Variants in PDE10A observed in about 807,000 individuals in gnomAD.
The protein encoded by PDE10A is cAMP and cAMP-inhibited cGMP 3',5'-cyclic phosphodiesterase 10A.
In PDE10A, 39 loss-of-function variants were observed where a neutral mutation model predicts 97.7. The observed-to-expected ratio is 0.40, with a 90% confidence interval of 0.31 to 0.52. The LOEUF (loss-of-function observed/expected upper bound fraction) is 0.52, where lower values mean the gene tolerates loss of function less well. PDE10A is among the 20% of genes least tolerant of loss of function. The pLI is 0.56. For missense variants in PDE10A, 731 were observed against 1,047.8 expected, an observed-to-expected ratio of 0.70 and a Z score of 4.17; for synonymous variants, 371 against 376.8, an observed-to-expected ratio of 0.98 and a Z score of 0.18.
At chr6:165,561,477 T>C (rs1453478843) in intron 1 of PDE10A, among the ~76,000 whole-genome samples, 1 of 152,186 alleles carries the variant, frequency 6.6e-6, no homozygotes, top group Non-Finnish European at 1.5e-5. Context: ...AACTGAACTG[T>C]AAAATCATGT....
At chr6:165,384,654 G>A (rs1414945881) in intron 17 of PDE10A, among the ~76,000 whole-genome samples, 2 of 52,178 alleles carry the variant, frequency 3.8e-5, no homozygotes, top group Non-Finnish European at 7.1e-5. Flanking sequence ...GTGTGTGTGT[G>A]TGTGTGTGTG....
At chr6:165,925,216 T>C (rs190336205) in intron 1 of PDE10A, among the ~76,000 whole-genome samples, 140 of 152,156 alleles carry the variant, frequency 9.2e-4, no homozygotes, top group Admixed American at 6.3e-3. Context: ...CCTGTCACAA[T>C]ACAAAAAATA....
At chr6:165,536,950 C>G (rs961293866) in intron 2 of PDE10A, among the ~76,000 whole-genome samples, 1 of 151,940 alleles carries the variant, frequency 6.6e-6, no homozygotes, top group Non-Finnish European at 1.5e-5. Flanking sequence ...AACTATATAT[C>G]TCAAAGAAAG....
chr6:165,412,838 C>T (rs549828443), intron 13 of PDE10A, among the ~76,000 whole-genome samples: 2 of 152,190 alleles, frequency 1.3e-5, no homozygotes, highest in East Asian at 3.9e-4. Flanking sequence ...TTTTCCCTAA[C>T]CTCAGAATTC....
intron 1 of PDE10A, among the ~76,000 whole-genome samples, chr6:165,701,096 A>G (rs1397434251): frequency 6.6e-6 from 1 of 152,260 alleles, no homozygotes; most frequent in Non-Finnish European, 1.5e-5. Flanking sequence ...CCTAGCAAAT[A>G]TAGAACAAGC....
At chr6:165,686,130 GACACACACACACACACACACACACAC>G (rs57547290) in intron 1 of PDE10A, among the ~76,000 whole-genome samples, 1 of 145,316 alleles carries the variant, frequency 6.9e-6, no homozygotes, top group East Asian at 2.1e-4. Flanking sequence ...AATGTGCATG[GACACACACACACACACACACACACAC>G]ACACACACAC....
At chr6:165,585,900 T>C (rs939060647) in intron 1 of PDE10A, among the ~76,000 whole-genome samples, 3 of 152,112 alleles carry the variant, frequency 2.0e-5, no homozygotes, top group Non-Finnish European at 4.4e-5. Flanking sequence ...CATCCCCCCC[T>C]TGCGCTAAGT....
chr6:165,787,014 T>A (rs140372403), intron 1 of PDE10A, among the ~76,000 whole-genome samples: 2 of 152,174 alleles, frequency 1.3e-5, no homozygotes, highest in Non-Finnish European at 2.9e-5. Flanking sequence ...TTAAATATAT[T>A]CTTTAGCGGC....
chr6:165,831,989 A>G (rs1779934012), intron 1 of PDE10A, among the ~76,000 whole-genome samples: 2 of 152,118 alleles, frequency 1.3e-5, no homozygotes, highest in South Asian at 2.1e-4. Context: ...CAAAAAAACC[A>G]CAGAAACCTC....
At chr6:165,729,166 C>T (rs1486513190) in intron 1 of PDE10A, among the ~76,000 whole-genome samples, 1 of 150,742 alleles carries the variant, frequency 6.6e-6, no homozygotes, top group Non-Finnish European at 1.5e-5. Context: ...CATGCTACTG[C>T]ACTCCAGCCT....
chr6:165,481,882 C>A (rs1019940721), intron 3 of PDE10A, among the ~76,000 whole-genome samples: 8 of 152,184 alleles, frequency 5.3e-5, no homozygotes, highest in African/African-American at 1.9e-4. Context: ...AGGTAGCGGA[C>A]ATGAGTAAAG....
chr6:165,528,396 A>T (rs1747222769), intron 2 of PDE10A, among the ~76,000 whole-genome samples: 1 of 152,220 alleles, frequency 6.6e-6, no homozygotes, highest in Non-Finnish European at 1.5e-5. Context: ...GATGGAGGTT[A>T]CGCATGGGCT....
chr6:165,656,709 AG>A (rs1023314762), intron 1 of PDE10A, among the ~76,000 whole-genome samples: 4 of 152,140 alleles, frequency 2.6e-5, no homozygotes, highest in African/African-American at 9.7e-5. Flanking sequence ...TGGCCTCAGA[AG>A]GTCCTTCCCA....
At position 165,985,028 on chromosome 6, in the gene PDE10A, G is replaced by C. The variant is rs950430034; in HGVS notation, c.-615+2501C>G. Among the ~76,000 whole-genome samples the C allele has an allele frequency of 2.6e-5, 4 of 152,300 alleles. No homozygotes were observed. The South Asian group carries it at 8.3e-4, about 32-fold the overall frequency. On this transcript the variant is annotated intron_variant, in intron 1 of 19. Coordinates refer to the PDE10A transcript ENST00000366882. ...GCCATTGCCTCCATTTTGGAGACAG[G>C]AGCCCAAGCCAGTCTCTCTGGATAC... is the stretch of plus-strand genomic sequence containing the variant.
chr6:165,911,679 G>A (rs925759160), intron 1 of PDE10A, among the ~76,000 whole-genome samples: 43 of 152,234 alleles, frequency 2.8e-4, no homozygotes, highest in African/African-American at 1.0e-3. Context: ...CAGTCATTCA[G>A]TGGGTATGGA....
chr6:165,704,892 C>G (rs1307720498), intron 1 of PDE10A, among the ~76,000 whole-genome samples: 1 of 152,196 alleles, frequency 6.6e-6, no homozygotes, highest in East Asian at 1.9e-4. Flanking sequence ...CATGATGGAC[C>G]ATTACGGTGT....
At chr6:165,958,036 G>T (rs1234029759) in intron 1 of PDE10A, among the ~76,000 whole-genome samples, 2 of 152,176 alleles carry the variant, frequency 1.3e-5, no homozygotes, top group East Asian at 3.9e-4. Flanking sequence ...CATTCCAGGA[G>T]AAAATTATTG....
chr6:165,869,318 A>G (rs563153359), intron 1 of PDE10A, among the ~76,000 whole-genome samples: 3 of 151,124 alleles, frequency 2.0e-5, no homozygotes, highest in East Asian at 2.0e-4. Flanking sequence ...CTGAAAAAAA[A>G]TCCAGAAAGC....
intron 1 of PDE10A, among the ~76,000 whole-genome samples, chr6:165,727,087 G>A (rs1012969901): frequency 2.6e-5 from 4 of 152,136 alleles, no homozygotes; most frequent in Admixed American, 6.5e-5. Flanking sequence ...CAGAATCTGC[G>A]CGTGGGCTGG....
Sources: gnomAD v4.1 joint callset for allele counts (sites outside exome capture counted in the v4.1 genomes callset) on GRCh38, gnomAD v4.1.1 for gene constraint, MANE v1.5 for transcripts, NCBI Gene and HGNC (gene_info 2026-07-23, HGNC 2026-07-21) for gene names.